ARHGAP40: variants seen among roughly 807,000 people sequenced by gnomAD.
ARHGAP40 encodes rho GTPase-activating protein 40.
ARHGAP40 carries 43 observed loss-of-function variants against 73.5 expected under a neutral mutation model. That is an observed-to-expected ratio of 0.58 (90% CI 0.46 to 0.75). ARHGAP40 has a LOEUF of 0.75. ARHGAP40 is among the 30% of genes least tolerant of loss of function. The probability of loss-of-function intolerance (pLI) is 0.00; values close to 1 mark genes in which losing one functional copy is unlikely to be tolerated. For synonymous variants in ARHGAP40, 300 were observed against 352.8 expected (o/e 0.85, Z 1.68); for missense variants, 734 against 861.8 (o/e 0.85, Z 1.86).
intron 14 of ARHGAP40, 37 bp downstream of exon 14, chr20:38,648,735 G>A (rs753575065): frequency 1.5e-6 from 2 of 1,301,056 alleles, no homozygotes; most frequent in South Asian, 1.2e-5. Context: ...CAGAGCCCGG[G>A]TCCCTGGGAG....
At chr20:38,612,293 T>C (rs935649857) in intron 1 of ARHGAP40, among the ~76,000 whole-genome samples, 5 of 152,232 alleles carry the variant, frequency 3.3e-5, no homozygotes, top group African/African-American at 9.6e-5. Context: ...GAAAAGTAGA[T>C]TTGTGTACCC....
At chr20:38,618,520 G>A (rs112967041) in intron 1 of ARHGAP40, among the ~76,000 whole-genome samples, 121 of 152,204 alleles carry the variant, frequency 7.9e-4, no homozygotes, top group African/African-American at 2.5e-3. Context: ...GGGACAGAGC[G>A]GGCAAGAATA....
intron 9 of ARHGAP40, 93 bp from the exon 10 acceptor site, chr20:38,641,633 T>C (rs1282279724): frequency 2.1e-6 from 2 of 947,374 alleles, no homozygotes. Context: ...GTCCCCTGGC[T>C]TTCCAGCTCT....
chr20:38,644,274 C>G (rs530248798), intron 11 of ARHGAP40, among the ~76,000 whole-genome samples: 2 of 152,224 alleles, frequency 1.3e-5, no homozygotes, highest in East Asian at 3.9e-4. Context: ...AGCCCAGAAC[C>G]AGATAACAGG....
chr20:38,649,247 A>G (rs2089072682), intron 14 of ARHGAP40, among the ~76,000 whole-genome samples: 1 of 152,344 alleles, frequency 6.6e-6, no homozygotes, highest in South Asian at 2.1e-4. Context: ...ATGAGTTCCC[A>G]GGAGTTGCAG....
chr20:38,631,731 G>A (rs1034438024), intron 5 of ARHGAP40, among the ~76,000 whole-genome samples: 6 of 152,032 alleles, frequency 3.9e-5, no homozygotes, highest in Non-Finnish European at 5.9e-5. Context: ...GCCTGACCCT[G>A]GAGCCTTCCC....
intron 13 of ARHGAP40, 102 bp downstream of exon 13, chr20:38,647,228 C>T (rs1211742865): frequency 5.7e-6 from 6 of 1,046,288 alleles, no homozygotes; most frequent in African/African-American, 3.4e-5. Context: ...GTTGGCCTGA[C>T]CTGGCCTTCC....
At position 38,601,874 on chromosome 20, in the gene ARHGAP40, A is replaced by G. The variant is rs376655061; in HGVS notation, c.-69A>G. The G allele has an allele frequency of 1.7e-5, 22 of 1,283,946 alleles. No individual in the cohort carries two copies. The East Asian group carries it at 7.3e-4, about 42-fold the overall frequency. The allele number at this position is 1,283,946 out of a possible 1,614,324, so 79.5% of individuals were successfully genotyped here. A position where few individuals can be genotyped will look rare whatever the true frequency, so the allele number is the denominator to read the frequency against. Reference sequence around the variant, plus strand: ...GGGCCCTACCTCACTCCTCCCTCTCACATTGCCGATCGAGTCAGCCCCACG... The same window carrying G: ...GGGCCCTACCTCACTCCTCCCTCTCGCATTGCCGATCGAGTCAGCCCCACG... On this transcript the variant is annotated 5_prime_UTR_variant, in exon 1 of 15. Coordinates refer to ENST00000373345, the Ensembl canonical transcript of ARHGAP40.
intron 6 of ARHGAP40, among the ~76,000 whole-genome samples, chr20:38,636,596 T>C (rs948574856): frequency 2.6e-5 from 4 of 152,166 alleles, no homozygotes; most frequent in Non-Finnish European, 5.9e-5. Flanking sequence ...ACTATTTTCC[T>C]CCTCGTGGAT....
intron 1 of ARHGAP40, among the ~76,000 whole-genome samples, chr20:38,610,240 C>T (rs527380727): frequency 2.0e-5 from 3 of 151,770 alleles, no homozygotes; most frequent in African/African-American, 7.3e-5. Flanking sequence ...AAGCTCCCCC[C>T]ACTGTGCCAC....
intron 14 of ARHGAP40, among the ~76,000 whole-genome samples, chr20:38,649,551 C>T (rs1273678003): frequency 1.4e-5 from 2 of 146,796 alleles, no homozygotes; most frequent in Non-Finnish European, 3.1e-5. Context: ...CCGTGGGCTT[C>T]CCAGGGGAAA....
chr20:38,604,602 G>T (rs981028205), intron 1 of ARHGAP40, among the ~76,000 whole-genome samples: 5 of 151,976 alleles, frequency 3.3e-5, no homozygotes, highest in African/African-American at 1.2e-4. Context: ...CATCATGTTG[G>T]TCAGGCTGGT....
chr20:38,647,239 C>T (rs1370273185), intron 13 of ARHGAP40, 113 bp downstream of exon 13: 6 of 972,072 alleles, frequency 6.2e-6, no homozygotes, highest in Middle Eastern at 9.4e-4. Flanking sequence ...CTGGCCTTCC[C>T]TTTCTGGGGT....
chr20:38,645,400 T>A (rs1185357402), intron 11 of ARHGAP40, among the ~76,000 whole-genome samples: 1 of 152,210 alleles, frequency 6.6e-6, no homozygotes, highest in Non-Finnish European at 1.5e-5. Context: ...TGTTTTCTTG[T>A]TAGAAAAGCT....
Position 38,639,685 on chromosome 20 carries a change from T to TAG in ARHGAP40, c.1279+299_1279+300insAG, listed in dbSNP as rs2089002381. 3.3e-5 allele frequency among the ~76,000 whole-genome samples: 5 copies of TAG among 152,210 alleles called. No individual in the cohort carries two copies. In the South Asian group the frequency reaches 1.0e-3, roughly 32 times the overall value. ...TTCTCACATGGATGAGTGGACTAGT[T>TAG]TCCTTCACATCTTGACATCCATGGG... On this transcript the variant is annotated intron_variant, in intron 9 of 14. Coordinates refer to ENST00000373345, the Ensembl canonical transcript of ARHGAP40.
chr20:38,642,289 G>A (rs1313467078), intron 10 of ARHGAP40, among the ~76,000 whole-genome samples: 1 of 152,190 alleles, frequency 6.6e-6, no homozygotes, highest in East Asian at 1.9e-4. Flanking sequence ...CAGACCCTTA[G>A]CAAATTCTCC....
intron 1 of ARHGAP40, among the ~76,000 whole-genome samples, chr20:38,616,127 G>T (rs999575424): frequency 6.6e-6 from 1 of 152,144 alleles, no homozygotes; most frequent in African/African-American, 2.4e-5. Context: ...AGAGCCAAAG[G>T]CACATGGCAT....
chr20:38,613,389 C>A (rs1419761962), intron 1 of ARHGAP40, among the ~76,000 whole-genome samples: 2 of 152,170 alleles, frequency 1.3e-5, no homozygotes, highest in Admixed American at 1.3e-4. Context: ...CTATGCAATT[C>A]TCTGAACCCC....
At chr20:38,604,692 C>T (rs1337193561) in intron 1 of ARHGAP40, among the ~76,000 whole-genome samples, 2 of 151,924 alleles carry the variant, frequency 1.3e-5, no homozygotes, top group Admixed American at 6.6e-5. Flanking sequence ...ATGCGCCTGG[C>T]CCAGAACAGT....
Sources: allele counts gnomAD v4.1 joint callset (sites outside exome capture counted in the v4.1 genomes callset), GRCh38; gene constraint gnomAD v4.1.1; transcripts MANE v1.5; gene names NCBI Gene and HGNC (gene_info 2026-07-23, HGNC 2026-07-21).